The following DLG2 variants were observed in gnomAD, a reference collection of about 807,000 sequenced individuals.
The protein encoded by DLG2 is discs large MAGUK scaffold protein 2.
DLG2 carries 45 observed loss-of-function variants against 132.5 expected under a neutral mutation model. That is an observed-to-expected ratio of 0.34 (90% confidence interval 0.27 to 0.44). DLG2 has a LOEUF of 0.44. DLG2 is among the 20% of genes least tolerant of loss of function. The pLI is 1.00. For missense variants in DLG2, 1,045 were observed against 1,196.9 expected (o/e 0.87, Z 1.87); for synonymous variants, 424 against 419.6 (o/e 1.01, Z -0.13).
intron 8 of DLG2, among the ~76,000 whole-genome samples, chr11:84,166,034 T>A (rs760238895): frequency 6.6e-6 from 1 of 152,102 alleles, no homozygotes; most frequent in Non-Finnish European, 1.5e-5. Flanking sequence ...TGAGGAGCAT[T>A]TAGAGCACGG....
At chr11:85,386,303 A>G (rs2086316234) in intron 3 of DLG2, among the ~76,000 whole-genome samples, 1 of 152,182 alleles carries the variant, frequency 6.6e-6, no homozygotes, top group East Asian at 1.9e-4. Flanking sequence ...ATTATTATTG[A>G]TTCACTTTAA....
chr11:84,210,924 G>A (rs946307856), intron 8 of DLG2, among the ~76,000 whole-genome samples: 11 of 152,096 alleles, frequency 7.2e-5, no homozygotes, highest in Non-Finnish European at 1.0e-4. Flanking sequence ...AAGCGTATTC[G>A]TTTATCAAAA....
At chr11:83,956,586 T>C (rs79471403) in intron 14 of DLG2, among the ~76,000 whole-genome samples, 1 of 152,168 alleles carries the variant, frequency 6.6e-6, no homozygotes, top group Non-Finnish European at 1.5e-5. Flanking sequence ...TTGAGCACGG[T>C]GGGCCAAGTA....
At chr11:84,615,883 A>T (rs79829298) in intron 6 of DLG2, among the ~76,000 whole-genome samples, 2,919 of 148,324 alleles carry the variant, frequency 0.02, 105 homozygotes, top group African/African-American at 0.068. Context: ...TCAGTCATTT[A>T]TCATTCAACA....
rs144181979 is a variant in DLG2, at chr11:83,970,514, G to A, written c.1057-5046C>T. ...TTAGATTTCAGTCACAGAACAGGTG[G>A]TATTATGATACTGGCAACAGAATGT... On this transcript the variant is annotated intron_variant, in intron 12 of 27. Coordinates refer to ENST00000376104, the MANE Select transcript of DLG2 (RefSeq NM_001142699.3). Among the ~76,000 whole-genome samples the A allele has an allele frequency of 2.7e-3, 412 of 152,304 alleles. 2 individuals carry two copies. The highest frequency in any genetic ancestry group is 8.8e-3 in the African/African-American group (367 of 41,554).
At chr11:84,471,524 TCTC>T (rs1247558187) in intron 7 of DLG2, among the ~76,000 whole-genome samples, 1 of 151,636 alleles carries the variant, frequency 6.6e-6, no homozygotes, top group Non-Finnish European at 1.5e-5. Context: ...TCTGGAATAC[TCTC>T]CTATTTGGAG....
intron 7 of DLG2, among the ~76,000 whole-genome samples, chr11:84,408,355 AT>A (rs535818929): frequency 6.8e-6 from 1 of 147,100 alleles, no homozygotes; most frequent in Non-Finnish European, 1.5e-5. Flanking sequence ...ATATATATAT[AT>A]TATTATACTT....
intron 18 of DLG2, among the ~76,000 whole-genome samples, chr11:83,679,792 T>C (rs1419385783): frequency 3.3e-5 from 5 of 152,168 alleles, no homozygotes; most frequent in African/African-American, 1.2e-4. Context: ...TTCTCCTAAT[T>C]TTCCCCTCCT....
intron 8 of DLG2, among the ~76,000 whole-genome samples, chr11:84,186,631 C>T (rs1055414490): frequency 6.6e-6 from 1 of 151,666 alleles, no homozygotes; most frequent in Non-Finnish European, 1.5e-5. Context: ...CAGAGTTCTA[C>T]GAATATTAGA....
downstream of DLG2, chr11:83,455,064 G>A (rs2088715568): frequency 6.6e-6 from 1 of 152,576 alleles, no homozygotes; most frequent in African/African-American, 2.4e-5. Flanking sequence ...ATAAAACCAT[G>A]ACATGTTTAT....
chr11:83,958,039 T>C lies in DLG2; in HGVS notation c.1340+4846A>G, dbSNP rs576339232. Among the ~76,000 whole-genome samples the C allele has an allele frequency of 7.3e-4, 111 of 152,320 alleles. 5 individuals are homozygous for C. In the South Asian group the frequency reaches 0.022, roughly 30 times the overall value. On this transcript the variant is annotated intron_variant, in intron 14 of 27. Coordinates refer to ENST00000376104, the MANE Select transcript of DLG2 (RefSeq NM_001142699.3). ...TTATTTATACATCTCTTATTCAATATACTAAAATGTAAATTCCATGAGGGC... is the reference window on the plus strand; with the variant it reads ...TTATTTATACATCTCTTATTCAATACACTAAAATGTAAATTCCATGAGGGC...
intron 18 of DLG2, among the ~76,000 whole-genome samples, chr11:83,723,813 A>G (rs892307448): frequency 1.2e-4 from 19 of 152,130 alleles, no homozygotes; most frequent in Non-Finnish European, 2.6e-4. Context: ...CCAAGATCGC[A>G]CCACTGCACT....
intron 3 of DLG2, among the ~76,000 whole-genome samples, chr11:85,421,585 A>G (rs1036323154): frequency 6.6e-6 from 1 of 151,912 alleles, no homozygotes; most frequent in African/African-American, 2.4e-5. Context: ...TGAAGGCAGC[A>G]TATAGTTGGT....
rs1472241 is a variant in DLG2, at chr11:85,084,722, G to A, written c.357+26939C>T. On this transcript the variant is annotated intron_variant, in intron 6 of 27. Transcript: ENST00000376104. ...TCCCATTATCCTTCAACAATAGATA[G>A]ACATAACCTACCATTCCACCTGTGA... 1.8e-3 allele frequency among the ~76,000 whole-genome samples: 276 copies of A among 152,210 alleles called. 5 individuals are homozygous for A. In the East Asian group the frequency reaches 0.048, roughly 27 times the overall value.
At chr11:84,031,352 C>T (rs1005556546) in intron 11 of DLG2, among the ~76,000 whole-genome samples, 6 of 151,904 alleles carry the variant, frequency 3.9e-5, no homozygotes, top group East Asian at 1.9e-4. Context: ...GAAAAGGATA[C>T]ATTTTAAGTC....
chr11:85,487,498 C>T (rs2093456488), intron 3 of DLG2, among the ~76,000 whole-genome samples: 1 of 145,450 alleles, frequency 6.9e-6, no homozygotes, highest in African/African-American at 2.5e-5. Context: ...CCAAATAGAA[C>T]TTATGGAACT....
At chr11:83,551,463 T>G (rs1054251355) in intron 19 of DLG2, among the ~76,000 whole-genome samples, 4 of 152,150 alleles carry the variant, frequency 2.6e-5, no homozygotes, top group Non-Finnish European at 5.9e-5. Context: ...TTCAAGAGCA[T>G]CTGAAATGAC....
At chr11:83,870,472 T>C (rs924933701) in intron 16 of DLG2, among the ~76,000 whole-genome samples, 3 of 152,214 alleles carry the variant, frequency 2.0e-5, no homozygotes, top group Admixed American at 1.3e-4. Flanking sequence ...TAGTATTCCA[T>C]TGTGTATATA....
At chr11:84,739,992 C>A (rs1194821563) in intron 6 of DLG2, among the ~76,000 whole-genome samples, 2 of 151,890 alleles carry the variant, frequency 1.3e-5, no homozygotes, top group Non-Finnish European at 2.9e-5. Context: ...GGATATTAAC[C>A]AGATTCTCAG....
Sources: gnomAD v4.1 joint callset for allele counts (sites outside exome capture counted in the v4.1 genomes callset) on GRCh38, gnomAD v4.1.1 for gene constraint, MANE v1.5 for transcripts, NCBI Gene and HGNC (gene_info 2026-07-23, HGNC 2026-07-21) for gene names.